The following PRKG1 variants were observed in gnomAD, a reference collection of about 807,000 sequenced individuals.
PRKG1 encodes the protein cGMP-dependent protein kinase 1.
Under a neutral mutation model 88.1 loss-of-function variants are expected in PRKG1, and 35 were observed. The ratio of observed to expected loss-of-function variants is 0.40; its 90% CI spans 0.30 to 0.53. PRKG1 has a LOEUF of 0.53. PRKG1 is among the 20% of genes least tolerant of loss of function. The pLI, the probability that PRKG1 is intolerant of heterozygous loss-of-function variation, is 0.59. For synonymous variants in PRKG1, 303 were observed against 292.5 expected (o/e 1.04, Z -0.37); for missense variants, 540 against 839.8 (o/e 0.64, Z 4.41).
chr10:51,030,609 T>C (rs991007949), intron 1 of PRKG1, among the ~76,000 whole-genome samples: 4 of 152,116 alleles, frequency 2.6e-5, no homozygotes, highest in African/African-American at 9.7e-5. Flanking sequence ...ATCCCCAATT[T>C]TGGAGGTGGG....
chr10:51,503,169 C>T (rs1335401947), intron 3 of PRKG1, among the ~76,000 whole-genome samples: 2 of 152,116 alleles, frequency 1.3e-5, no homozygotes, highest in African/African-American at 2.4e-5. Context: ...AGCACTTTTC[C>T]TGAGTGCTCT....
At chr10:51,569,542 T>A (rs1014804911) in intron 3 of PRKG1, among the ~76,000 whole-genome samples, 1 of 152,056 alleles carries the variant, frequency 6.6e-6, no homozygotes, top group African/African-American at 2.4e-5. Context: ...GGATGAGTAC[T>A]TTATATACTT....
chr10:51,443,509 G>T (rs923558639), intron 2 of PRKG1, among the ~76,000 whole-genome samples: 1 of 151,714 alleles, frequency 6.6e-6, no homozygotes, highest in Non-Finnish European at 1.5e-5. Flanking sequence ...TTTTCTTCAG[G>T]CAGAATGTAT....
intron 7 of PRKG1, among the ~76,000 whole-genome samples, chr10:52,077,433 T>G (rs1846658315): frequency 6.6e-6 from 1 of 152,206 alleles, no homozygotes; most frequent in Non-Finnish European, 1.5e-5. Flanking sequence ...TATAGAATTT[T>G]ATATAGAGAT....
chr10:51,304,574 C>T (rs1202350906), intron 2 of PRKG1, among the ~76,000 whole-genome samples: 1 of 151,234 alleles, frequency 6.6e-6, no homozygotes, highest in Admixed American at 6.6e-5. Context: ...TGCTGCTGTG[C>T]TGTACCCATT....
intron 1 of PRKG1, among the ~76,000 whole-genome samples, chr10:51,033,680 A>G (rs554021377): frequency 6.6e-6 from 1 of 152,294 alleles, no homozygotes; most frequent in South Asian, 2.1e-4. Flanking sequence ...CTTAAAAGGT[A>G]TGATTCCCAA....
At chr10:51,389,744 T>C (rs1257330512) in intron 2 of PRKG1, among the ~76,000 whole-genome samples, 2 of 152,156 alleles carry the variant, frequency 1.3e-5, no homozygotes, top group Non-Finnish European at 2.9e-5. Context: ...ACTTCCCATA[T>C]ACAGATGGAT....
At chr10:52,248,064 C>T (rs1841069830) in intron 9 of PRKG1, among the ~76,000 whole-genome samples, 1 of 152,230 alleles carries the variant, frequency 6.6e-6, no homozygotes, top group Non-Finnish European at 1.5e-5. Context: ...TTAAATGCAG[C>T]AGGAACATGC....
chr10:51,452,117 A>G (rs1350377899), intron 2 of PRKG1, among the ~76,000 whole-genome samples: 1 of 151,928 alleles, frequency 6.6e-6, no homozygotes, highest in Non-Finnish European at 1.5e-5. Context: ...GTCTTTTAGC[A>G]TATAAACAAA....
At chr10:51,196,597 T>C (rs1837773824) in intron 2 of PRKG1, among the ~76,000 whole-genome samples, 1 of 152,106 alleles carries the variant, frequency 6.6e-6, no homozygotes, top group South Asian at 2.1e-4. Flanking sequence ...ACCTTGAAAA[T>C]GCCTTAAGTT....
intron 5 of PRKG1, among the ~76,000 whole-genome samples, chr10:51,996,609 G>C (rs1312646375): frequency 6.6e-6 from 1 of 152,030 alleles, no homozygotes; most frequent in Non-Finnish European, 1.5e-5. Flanking sequence ...TGCTAGACTG[G>C]CTGTTATCAA....
intron 8 of PRKG1, among the ~76,000 whole-genome samples, chr10:52,150,291 G>C (rs192844847): frequency 4.9e-4 from 75 of 152,052 alleles, no homozygotes; most frequent in African/African-American, 1.8e-3. Context: ...CCATATTGGG[G>C]AGATAAATAT....
At chr10:51,242,403 A>C (rs942461230) in intron 2 of PRKG1, among the ~76,000 whole-genome samples, 1 of 152,188 alleles carries the variant, frequency 6.6e-6, no homozygotes, top group Admixed American at 6.6e-5. Context: ...ATTAGATTGG[A>C]TAGGGTATAA....
chr10:51,066,156 GA>G (rs1843747364), intron 1 of PRKG1, among the ~76,000 whole-genome samples: 1 of 152,054 alleles, frequency 6.6e-6, no homozygotes, highest in South Asian at 2.1e-4. Context: ...AGAACTTAAA[GA>G]ACTAAAGGAT....
At chr10:52,206,702 T>A (rs905423720) in intron 9 of PRKG1, among the ~76,000 whole-genome samples, 11 of 152,008 alleles carry the variant, frequency 7.2e-5, no homozygotes, top group Non-Finnish European at 1.6e-4. Flanking sequence ...GCCCAAACAC[T>A]CCTGGACTGT....
At chr10:51,211,890 C>T (rs1490884197) in intron 2 of PRKG1, among the ~76,000 whole-genome samples, 8 of 152,260 alleles carry the variant, frequency 5.3e-5, no homozygotes, top group Admixed American at 6.5e-5. Flanking sequence ...GGCCATACTG[C>T]CCAAGGTAAT....
chr10:51,431,272 T>G (rs1013535413), intron 2 of PRKG1, among the ~76,000 whole-genome samples: 3 of 151,940 alleles, frequency 2.0e-5, no homozygotes, highest in Non-Finnish European at 4.4e-5. Flanking sequence ...AATAAAGAAT[T>G]TATCACTTAC....
intron 2 of PRKG1, among the ~76,000 whole-genome samples, chr10:51,395,176 C>T (rs1837543116): frequency 6.6e-6 from 1 of 152,178 alleles, no homozygotes; most frequent in South Asian, 2.1e-4. Flanking sequence ...GGGTTTCTCA[C>T]AGGCTACATG....
intron 5 of PRKG1, among the ~76,000 whole-genome samples, chr10:51,982,588 G>C (rs2133111785): frequency 1.3e-5 from 2 of 152,304 alleles, no homozygotes; most frequent in Non-Finnish European, 1.5e-5. Flanking sequence ...CAAACACTCA[G>C]CTCCCAACTC....
Sources: allele counts gnomAD v4.1 joint callset (sites outside exome capture counted in the v4.1 genomes callset), GRCh38; gene constraint gnomAD v4.1.1; transcripts MANE v1.5; gene names NCBI Gene and HGNC (gene_info 2026-07-23, HGNC 2026-07-21).